Variants in CTSG observed in about 807,000 individuals in gnomAD.
The protein encoded by CTSG is cathepsin G.
CTSG carries 23 observed loss-of-function variants against 23.0 expected under a neutral mutation model. The ratio of observed to expected loss-of-function variants is 1.00; its 90% CI spans 0.72 to 1.42. CTSG has a LOEUF of 1.42. CTSG is among the 40% of genes most tolerant of loss of function. CTSG has a pLI of 0.00. For missense variants in CTSG, 312 were observed against 326.2 expected, an observed-to-expected ratio of 0.96 and a Z score of 0.33; for synonymous variants, 140 against 130.4, an observed-to-expected ratio of 1.07 and a Z score of -0.50.
rs747034561 is a variant in CTSG, at chr14:24,573,569, C to G, written c.*68G>C. On this transcript the variant is annotated 3_prime_UTR_variant, in exon 5 of 5. Transcript: ENST00000216336. ...AAATGAGGAATTGGTTATTTATACTCTGTGGACGTTTATTAAGGCTCTGGC... is the reference window on the plus strand; with the variant it reads ...AAATGAGGAATTGGTTATTTATACTGTGTGGACGTTTATTAAGGCTCTGGC... 7.9e-5 allele frequency: 114 copies of G among 1,447,572 alleles called. No individual in the cohort carries two copies. Among genetic ancestry groups the G allele is most frequent in the Admixed American group, 2.7e-4 (13 of 47,982 alleles). 89.7% of individuals were successfully genotyped at this position (1,447,572 alleles called of 1,614,324 possible).
intron 3 of CTSG, 49 bp from the exon 4 acceptor site, chr14:24,574,548 G>T: frequency 6.2e-7 from 1 of 1,612,018 alleles, no homozygotes; most frequent in Middle Eastern, 1.7e-4. Context: ...CTCCAGCCAA[G>T]GCTCGGGGGT....
At chr14:24,576,119 A>G in intron 1 of CTSG, 50 bp downstream of exon 1, 1 of 1,558,412 alleles carries the variant, frequency 6.4e-7, no homozygotes, top group Non-Finnish European at 8.8e-7. Context: ...ATTTGGCTCA[A>G]GAATCTATGG....
Position 24,576,218 on chromosome 14 carries a change from C to G in CTSG, c.6G>C (p.Gln2His). The change falls in exon 1 of 5, where the codon CAG becomes CAC. Residue 2 changes from glutamine (Q) to histidine (H), a missense_variant. Coordinates refer to ENST00000216336, the MANE Select transcript of CTSG (RefSeq NM_001911.3). The part of the protein sequence containing the change: M[Q>H]PLLLLLAFLL... ...GAAAGGCCAGCAGAAGCAGGAGTGG[C>G]TGCATCTTTCCTGAAAGGCTGCCCA... is the stretch of plus-strand genomic sequence containing the variant. 1 of 1,607,562 alleles carries G rather than the reference C, an allele frequency of 6.2e-7. No homozygotes were observed. Among genetic ancestry groups the G allele is most frequent in the South Asian group, 1.1e-5 (1 of 89,178 alleles).
At chr14:24,575,466 G>A (rs2066737512) in intron 1 of CTSG, 54 bp from the exon 2 acceptor site, 1 of 1,592,512 alleles carries the variant, frequency 6.3e-7, no homozygotes, top group African/African-American at 1.3e-5. Flanking sequence ...TGCAATGTGG[G>A]TACCAGATTG....
intron 1 of CTSG, 83 bp downstream of exon 1, chr14:24,576,086 C>A: frequency 2.6e-6 from 3 of 1,135,846 alleles, no homozygotes; most frequent in Non-Finnish European, 3.9e-6. Context: ...CTCAACAGTA[C>A]AGAATTAGGA....
chr14:24,574,096 C>T, intron 4 of CTSG, 149 bp downstream of exon 4: 1 of 1,016,500 alleles, frequency 9.8e-7, no homozygotes, highest in Non-Finnish European at 1.4e-6. Context: ...TCCTATTCCC[C>T]CAGAGACCAG....
chr14:24,574,210 C>T (rs774615715), intron 4 of CTSG, 35 bp downstream of exon 4: 1 of 1,597,870 alleles, frequency 6.3e-7, no homozygotes, highest in South Asian at 1.1e-5. Context: ...GGGCCCCTCT[C>T]TCCCGGGGTG....
chr14:24,574,002 A>G (rs1482250621), intron 4 of CTSG, among the ~76,000 whole-genome samples, 192 bp from the exon 5 acceptor site: 1 of 152,072 alleles, frequency 6.6e-6, no homozygotes, highest in Admixed American at 6.5e-5. Context: ...CTCTGCCTTA[A>G]TTACTGTCTC....
At position 24,574,296 on chromosome 14, in the gene CTSG, G is replaced by A; in HGVS notation, c.543C>T (p.Pro181=). The A allele has an allele frequency of 6.2e-7, 1 of 1,601,018 alleles. No individual in the cohort carries two copies. Among genetic ancestry groups the A allele is most frequent in the Non-Finnish European group, 8.5e-7 (1 of 1,179,946 alleles). ...QCLRIFGSYD[P]RRQICVGDRR... ...GGTCCCCCACACAAATCTGCCTTCG[G>A]GGGTCGTAGGAACCGAAGATGCGGA... The change falls in exon 4 of 5, where the codon CCC becomes CCT. Residue 181 remains proline (P), a synonymous_variant. Coordinates refer to ENST00000216336, the MANE Select transcript of CTSG (RefSeq NM_001911.3).
Position 24,576,192 on chromosome 14 carries a change from A to G in CTSG, c.32T>C (p.Leu11Pro). The change falls in exon 1 of 5, where the codon CTC (leucine) becomes CCC (proline). Residue 11 changes from leucine to proline, a missense_variant. Coordinates refer to ENST00000216336, the MANE Select transcript of CTSG (RefSeq NM_001911.3). ...ACCTGCCTCAGCCCCAGTGGGTAGG[A>G]GAAAGGCCAGCAGAAGCAGGAGTGG... is the stretch of plus-strand genomic sequence containing the variant. Reference protein sequence around the residue: MQPLLLLLAFLLPTGAEAGEI... With the variant: MQPLLLLLAFPLPTGAEAGEI... 6.2e-7 allele frequency: 1 copy of G among 1,610,766 alleles called. No homozygotes were observed. The highest frequency in any genetic ancestry group is 1.3e-5 in the African/African-American group (1 of 74,990).
chr14:24,575,137 C>A (rs2138451323), intron 2 of CTSG, 128 bp downstream of exon 2: 1 of 1,070,262 alleles, frequency 9.3e-7, no homozygotes, highest in East Asian at 2.5e-5. Context: ...CTGTTCCCTC[C>A]CGCAAAGACT....
intron 4 of CTSG, 75 bp downstream of exon 4, chr14:24,574,170 G>C (rs2066728759): frequency 1.3e-6 from 2 of 1,553,208 alleles, no homozygotes; most frequent in Non-Finnish European, 1.7e-6. Flanking sequence ...CTGTGGGGAT[G>C]GAATCTGTTC....
rs949960276 is a variant in CTSG, at chr14:24,575,486, G to C, written c.56-74C>G. 51 of 1,543,974 alleles carry C rather than the reference G, an allele frequency of 3.3e-5. No homozygotes were observed. In the African/African-American group the frequency reaches 5.7e-4, roughly 17 times the overall value. On this transcript the variant is annotated intron_variant, in intron 1 of 4. Coordinates refer to ENST00000216336, the MANE Select transcript of CTSG (RefSeq NM_001911.3). ...TGTGGGTACCAGATTGGTGGCTCCA[G>C]AAAGGCTGGAAGATGGGGACGGCAG...
At chr14:24,575,541 G>A in intron 1 of CTSG, 129 bp from the exon 2 acceptor site, 1 of 984,520 alleles carries the variant, frequency 1.0e-6, no homozygotes, top group Admixed American at 1.9e-5. Flanking sequence ...GGAGGAGATG[G>A]TGCTGAGGCT....
At position 24,575,346 on chromosome 14, in the gene CTSG, T is replaced by C. The variant is rs776029478; in HGVS notation, c.122A>G (p.Gln41Arg). The C allele has an allele frequency of 5.0e-6, 8 of 1,614,204 alleles. No homozygotes were observed. The Admixed American group carries it at 1.3e-4, about 27-fold the overall frequency. ...SRPYMAYLQI[Q>R]SPAGQSRCGG... The stretch of plus-strand genomic sequence containing the variant: ...ACATCTGCTCTGACCTGCTGGACTC[T>C]GGATCTGAAGATACGCCATGTAGGG... The change falls in exon 2 of 5, where the codon CAG (glutamine) becomes CGG (arginine). Residue 41 changes from glutamine to arginine, a missense_variant. Transcript: ENST00000216336.
In CTSG at chr14:24,573,621, C is replaced by T. The variant is rs755001644; in HGVS notation, c.*16G>A. The T allele has an allele frequency of 8.1e-6, 13 of 1,608,488 alleles. 1 individual carries two copies. The South Asian group carries it at 1.2e-4, about 15-fold the overall frequency. ...ACACTGTGGAGCTGGCCTGTGTCCC[C>T]GAGAAGAAGAGTCAGTCACAGGGGG... On this transcript the variant is annotated 3_prime_UTR_variant, in exon 5 of 5. Transcript: ENST00000216336.
intron 2 of CTSG, 64 bp downstream of exon 2, chr14:24,575,201 C>G (rs1228717938): frequency 6.3e-7 from 1 of 1,596,120 alleles, no homozygotes; most frequent in Non-Finnish European, 8.6e-7. Flanking sequence ...TCAGATGGCT[C>G]TTCCACCGAA....
chr14:24,574,918 G>A, intron 2 of CTSG, 108 bp from the exon 3 acceptor site: 1 of 1,409,286 alleles, frequency 7.1e-7, no homozygotes, highest in Non-Finnish European at 9.9e-7. Context: ...CAGAATCGAG[G>A]GGATGGGAGG....
At chr14:24,574,932 C>T in intron 2 of CTSG, 122 bp from the exon 3 acceptor site, 1 of 1,290,428 alleles carries the variant, frequency 7.7e-7, no homozygotes, top group Non-Finnish European at 1.1e-6. Flanking sequence ...TGGGAGGGCC[C>T]TGGGGCTCAG....
Sources: allele counts gnomAD v4.1 joint callset (sites outside exome capture counted in the v4.1 genomes callset), GRCh38; gene constraint gnomAD v4.1.1; transcripts MANE v1.5; gene names NCBI Gene and HGNC (gene_info 2026-07-23, HGNC 2026-07-21).